CEP104: variants seen among roughly 807,000 people sequenced by gnomAD.
CEP104 encodes centrosomal protein 104.
CEP104 carries 84 observed loss-of-function variants against 113.3 expected under a neutral mutation model. The observed-to-expected ratio is 0.74, with a 90% CI of 0.62 to 0.89. CEP104 has a LOEUF of 0.89. Ranked by LOEUF, CEP104 falls within the 40% of genes least tolerant of loss-of-function variation. The pLI, the probability that CEP104 is intolerant of heterozygous loss-of-function variation, is 0.00. For synonymous variants in CEP104, 378 were observed against 421.7 expected, an observed-to-expected ratio of 0.90 and a Z score of 1.27; for missense variants, 1,053 against 1,156.6, an observed-to-expected ratio of 0.91 and a Z score of 1.30.
At position 3,850,588 on chromosome 1, in the gene CEP104, C is replaced by T. The variant is rs551007752; in HGVS notation, c.113+1707G>A. 7.2e-5 allele frequency among the ~76,000 whole-genome samples: 11 copies of T among 152,278 alleles called. No individual in the cohort carries two copies. The East Asian group carries it at 1.9e-3, about 27-fold the overall frequency. ...CATCAATCTATGCCCTGAGCTCCGACGTAGAGGGTCCCACATTTTCTATGA... is the reference window on the plus strand; with the variant it reads ...CATCAATCTATGCCCTGAGCTCCGATGTAGAGGGTCCCACATTTTCTATGA... On this transcript the variant is annotated intron_variant, in intron 2 of 21. Transcript: ENST00000378230.
chr1:3,843,376 A>ATTTTT (rs34104489), intron 6 of CEP104: 7 of 342,426 alleles, frequency 2.0e-5, no homozygotes, highest in Non-Finnish European at 3.7e-5. Flanking sequence ...AATATGTATA[A>ATTTTT]TTTTTTTTTT....
rs538586509 is a variant in CEP104 at position 3,834,392 on chromosome 1, G to A, written c.1486-357C>T. ...TTCATACCGAGTATCTAACAACCCT[G>A]CTTCAATGGGTAAGCCCAAATCTTC... is the stretch of plus-strand genomic sequence containing the variant. On this transcript the variant is annotated intron_variant, in intron 11 of 21. Transcript: ENST00000378230. 1.8e-3 allele frequency among the ~76,000 whole-genome samples: 264 copies of A among 150,060 alleles called. 1 individual carries two copies. Among genetic ancestry groups the A allele is most frequent in the African/African-American group, 6.3e-3 (255 of 40,786 alleles).
In CEP104 at chr1:3,835,064, GACC is replaced by G. The variant is rs750556875; in HGVS notation, c.1343_1345del (p.Trp448del). 4 of 1,613,676 alleles carry G rather than the reference GACC, an allele frequency of 2.5e-6. No homozygotes were observed. The African/African-American group carries it at 5.3e-5, about 22-fold the overall frequency. On this transcript the variant is annotated inframe_deletion, in exon 11 of 22. Coordinates refer to ENST00000378230, the MANE Select transcript of CEP104 (RefSeq NM_014704.4). The stretch of plus-strand genomic sequence containing the variant: ...GGCAAGCAGTGCATCCTCTCGGTAG[GACC>G]ACGTCTTACAATAGGCCTCAGCAAC...
rs4540587 is a variant in CEP104 at position 3,852,608 on chromosome 1, T to C, written c.-14-187A>G. Among the ~76,000 whole-genome samples, 13,641 of 152,286 alleles carry C rather than the reference T, an allele frequency of 0.09. 628 individuals are homozygous for C. The highest frequency in any genetic ancestry group is 0.11 in the Middle Eastern group (31 of 294). On this transcript the variant is annotated intron_variant, in intron 1 of 21. Coordinates refer to ENST00000378230, the MANE Select transcript of CEP104 (RefSeq NM_014704.4). The stretch of plus-strand genomic sequence containing the variant: ...CTTTTATAGATGCTTCTGGTTCTGC[T>C]TAAGATATCATTTAAGTTATCTTGA...
Position 3,826,572 on chromosome 1 carries a change from TG to T in CEP104, c.2188+135del, listed in dbSNP as rs1039413865. On this transcript the variant is annotated intron_variant, in intron 16 of 21. Transcript: ENST00000378230. ...GTTTTCCATTCAGCTGGGAGATGGC[TG>T]AGGTGCAGCAGGCGTGCAGTGATAC... The T allele has an allele frequency of 1.4e-4, 183 of 1,288,850 alleles. 2 individuals carry two copies. In the African/African-American group the frequency reaches 2.3e-3, roughly 16 times the overall value. 79.8% of individuals were successfully genotyped at this position (1,288,850 alleles called of 1,614,324 possible).
At chr1:3,837,596 A>G (rs1570814192) in intron 8 of CEP104, 77 bp from the exon 9 acceptor site, 8 of 1,265,864 alleles carry the variant, frequency 6.3e-6, no homozygotes, top group Non-Finnish European at 7.8e-6. Context: ...CTTCAGATGA[A>G]TAAGACTTTA....
At position 3,812,269 on chromosome 1, in the gene CEP104, C is replaced by T. The variant is rs1311046074; in HGVS notation, c.*3133G>A. 1 of 151,982 alleles carries T rather than the reference C, an allele frequency of 6.6e-6. No homozygotes were observed. Among genetic ancestry groups the T allele is most frequent in the Non-Finnish European group, 1.5e-5 (1 of 67,978 alleles). 9.4% of individuals were successfully genotyped at this position (151,982 alleles called of 1,614,324 possible). A position where few individuals can be genotyped will look rare whatever the true frequency, so the allele number is the denominator to read the frequency against. ...TCATTAAAAACATTTACATTTGTAT[C>T]CTAATGCCAATTTATACATACAATT... On this transcript the variant is annotated 3_prime_UTR_variant, in exon 22 of 22. Coordinates refer to ENST00000378230, the MANE Select transcript of CEP104 (RefSeq NM_014704.4).
intron 6 of CEP104, among the ~76,000 whole-genome samples, chr1:3,844,583 A>C (rs556294704): frequency 9.9e-4 from 151 of 151,978 alleles, no homozygotes; most frequent in Non-Finnish European, 1.9e-3. Flanking sequence ...CTGTAATCCC[A>C]GCTACTCAGG....
At position 3,826,423 on chromosome 1, in the gene CEP104, C is replaced by T. The variant is rs1350568344; in HGVS notation, c.2202G>A (p.Gly734=). Residue 734 remains glycine (G), a synonymous_variant, in exon 17 of 22, where the codon GGG becomes GGA. Transcript: ENST00000378230. ...CCAGAGCTTCAGCAGGGGCTGCTTT[C>T]CCTCCTTGAATGTCTGAAGAGATTA... The part of the protein sequence containing the change: ...VKPKNQDIQG[G]KAAPAEALGI... 6.2e-7 allele frequency: 1 copy of T among 1,613,792 alleles called. No homozygotes were observed. Among genetic ancestry groups the T allele is most frequent in the Admixed American group, 1.7e-5 (1 of 60,022 alleles).
intron 15 of CEP104, among the ~76,000 whole-genome samples, chr1:3,829,012 C>T (rs1644147309): frequency 6.6e-6 from 1 of 152,188 alleles, no homozygotes; most frequent in African/African-American, 2.4e-5. Context: ...CCCCTGGTCC[C>T]TCCCTAAACC....
intron 9 of CEP104, 110 bp from the exon 10 acceptor site, chr1:3,836,802 TG>T (rs1644324021): frequency 1.2e-6 from 1 of 851,660 alleles, no homozygotes; most frequent in Admixed American, 2.5e-5. Context: ...ATCTGAAAGA[TG>T]TTATTTTGCT....
intron 2 of CEP104, 129 bp downstream of exon 2, chr1:3,852,166 G>T: frequency 1.2e-6 from 1 of 813,804 alleles, no homozygotes; most frequent in Non-Finnish European, 1.8e-6. Context: ...GACACTGCAT[G>T]CTGACATCCT....
At chr1:3,832,961 G>A (rs1170136956) in intron 12 of CEP104, among the ~76,000 whole-genome samples, 2 of 151,068 alleles carry the variant, frequency 1.3e-5, no homozygotes, top group African/African-American at 4.9e-5. Context: ...GATTATGGGC[G>A]TGAGCCACCC....
At chr1:3,843,367 A>G in intron 6 of CEP104, 1 of 505,836 alleles carries the variant, frequency 2.0e-6, no homozygotes. Flanking sequence ...CAGCAGAAAA[A>G]TATGTATAAT....
At position 3,833,910 on chromosome 1, in the gene CEP104, A is replaced by G. The variant is rs774728948; in HGVS notation, c.1611T>C (p.Thr537=). 1.2e-6 allele frequency: 2 copies of G among 1,614,150 alleles called. No homozygotes were observed. The highest frequency in any genetic ancestry group is 1.3e-5 in the African/African-American group (1 of 74,952). Residue 537 remains threonine (T), a synonymous_variant, in exon 12 of 22, where the codon ACT becomes ACC. Transcript: ENST00000378230. ...ERTIPVLLTR[T]GDSSARLRVT... ...CGCGGAGGCGGGCAGAAGAATCTCC[A>G]GTTCTGGTGAGCAAAACGGGAATGG...
At chr1:3,826,126 G>A (rs561430656) in intron 17 of CEP104, among the ~76,000 whole-genome samples, 2 of 152,256 alleles carry the variant, frequency 1.3e-5, no homozygotes, top group African/African-American at 4.8e-5. Flanking sequence ...ATCAACGGGC[G>A]AACGATCCTT....
chr1:3,854,518 G>C (rs1644674098), intron 1 of CEP104, among the ~76,000 whole-genome samples: 1 of 152,024 alleles, frequency 6.6e-6, no homozygotes, highest in African/African-American at 2.4e-5. Flanking sequence ...ACCCAGGCTG[G>C]AGTGCAGTGG....
chr1:3,857,058 C>T lies in CEP104; in HGVS notation c.-184G>A, dbSNP rs1644750560. The T allele has an allele frequency of 6.6e-6, 1 of 152,218 alleles. No homozygotes were observed. The highest frequency in any genetic ancestry group is 2.1e-4 in the South Asian group (1 of 4,838). The allele number at this position is 152,218 out of a possible 1,614,324, so 9.4% of individuals were successfully genotyped here. A position where few individuals can be genotyped will look rare whatever the true frequency, so the allele number is the denominator to read the frequency against. ...TGGACTTCCTCGGCAGCCGCCGCTT[C>T]CTCAGACGGAACTCGGGGGGCGCCC... On this transcript the variant is annotated 5_prime_UTR_variant, in exon 1 of 22. Transcript: ENST00000378230.
chr1:3,850,636 T>C (rs1644592892), intron 2 of CEP104, among the ~76,000 whole-genome samples: 2 of 152,200 alleles, frequency 1.3e-5, no homozygotes, highest in Non-Finnish European at 2.9e-5. Flanking sequence ...GGGTGCCTTG[T>C]ACTGTCATTG....
Sources: gnomAD v4.1 joint callset for allele counts (sites outside exome capture counted in the v4.1 genomes callset) on GRCh38, gnomAD v4.1.1 for gene constraint, MANE v1.5 for transcripts, NCBI Gene and HGNC (gene_info 2026-07-23, HGNC 2026-07-21) for gene names.